The following UNC5B variants were observed in gnomAD, a reference collection of about 807,000 sequenced individuals.
UNC5B encodes the protein unc-5 netrin receptor B, also known as netrin receptor UNC5B.
In UNC5B, 56 loss-of-function variants were observed where a neutral mutation model predicts 103.7. The observed-to-expected ratio is 0.54, with a 90% CI of 0.44 to 0.67. The LOEUF (loss-of-function observed/expected upper bound fraction) is 0.67, where lower values mean the gene tolerates loss of function less well. Among genes scored for constraint, UNC5B ranks in the 30% least tolerant of loss-of-function variants. The pLI is 0.00. For synonymous variants in UNC5B, 577 were observed against 542.0 expected (o/e 1.06, Z -0.90); for missense variants, 1,194 against 1,284.5 (o/e 0.93, Z 1.08).
At chr10:71,289,740 C>T (rs1270779689) in intron 8 of UNC5B, among the ~76,000 whole-genome samples, 1 of 152,136 alleles carries the variant, frequency 6.6e-6, no homozygotes, top group African/African-American at 2.4e-5. Flanking sequence ...CTGGGGGAAC[C>T]ATTTCTCTGC....
At chr10:71,287,075 C>A (rs948195077) in intron 5 of UNC5B, among the ~76,000 whole-genome samples, 1 of 152,220 alleles carries the variant, frequency 6.6e-6, no homozygotes, top group African/African-American at 2.4e-5. Flanking sequence ...TCTCAAGATG[C>A]CTTGCCTAAC....
intron 1 of UNC5B, among the ~76,000 whole-genome samples, chr10:71,239,516 A>G (rs1843847250): frequency 6.6e-6 from 1 of 152,150 alleles, no homozygotes; most frequent in South Asian, 2.1e-4. Context: ...CTGTTTCCCC[A>G]TCACTAATAG....
intron 1 of UNC5B, among the ~76,000 whole-genome samples, chr10:71,236,374 A>G (rs943009569): frequency 6.6e-6 from 1 of 150,858 alleles, no homozygotes; most frequent in African/African-American, 2.5e-5. Flanking sequence ...CACCTAAAAC[A>G]TGTGGGGGAA....
chr10:71,288,461 G>A (rs1845151059), intron 6 of UNC5B, 107 bp from the exon 7 acceptor site: 2 of 1,464,346 alleles, frequency 1.4e-6, no homozygotes, highest in Admixed American at 4.5e-5. Flanking sequence ...TTCCTTCCAT[G>A]GTGTGTATGC....
chr10:71,257,611 C>G (rs757178145), intron 1 of UNC5B, among the ~76,000 whole-genome samples: 2 of 152,264 alleles, frequency 1.3e-5, no homozygotes, highest in African/African-American at 2.4e-5. Context: ...GTGAGCTGCA[C>G]CAGCCTGGAC....
intron 1 of UNC5B, among the ~76,000 whole-genome samples, chr10:71,245,037 C>G (rs1843994446): frequency 6.6e-6 from 1 of 152,240 alleles, no homozygotes; most frequent in Non-Finnish European, 1.5e-5. Context: ...TTTTCAAAAC[C>G]TCGTTCCCAC....
intron 1 of UNC5B, among the ~76,000 whole-genome samples, chr10:71,233,667 C>T (rs1420084025): frequency 6.6e-6 from 1 of 152,260 alleles, no homozygotes; most frequent in Non-Finnish European, 1.5e-5. Context: ...AGGACCAACC[C>T]CTACAGATGG....
intron 13 of UNC5B, among the ~76,000 whole-genome samples, 174 bp from the exon 14 acceptor site, chr10:71,295,637 G>A (rs1564515168): frequency 1.3e-5 from 2 of 152,156 alleles, no homozygotes; most frequent in Non-Finnish European, 2.9e-5. Flanking sequence ...CCCACTGTCT[G>A]TCTATCCATC....
At position 71,214,341 on chromosome 10, in the gene UNC5B, CT is replaced by C. The variant is rs769157975; in HGVS notation, c.79+1291del. Among the ~76,000 whole-genome samples, 972 of 145,666 alleles carry C rather than the reference CT, an allele frequency of 6.7e-3. 4 individuals carry two copies. The highest frequency in any genetic ancestry group is 0.034 in the Middle Eastern group (9 of 266). On this transcript the variant is annotated intron_variant, in intron 1 of 16. Transcript: ENST00000335350. The stretch of plus-strand genomic sequence containing the variant: ...GGGCTTGGCTTTAGCACATTCCCCA[CT>C]TTTTTTTTTTTTTCTGGTGCAAGTC...
intron 4 of UNC5B, among the ~76,000 whole-genome samples, chr10:71,286,235 C>T (rs1252262731): frequency 1.3e-5 from 2 of 152,332 alleles, no homozygotes; most frequent in East Asian, 3.9e-4. Flanking sequence ...GGTTTGGACC[C>T]AGGTCTGCCA....
chr10:71,277,872 G>T (rs982563726), intron 1 of UNC5B, among the ~76,000 whole-genome samples: 26 of 152,298 alleles, frequency 1.7e-4, no homozygotes, highest in African/African-American at 6.3e-4. Context: ...AGCCTTGCAG[G>T]TCCCTTGATG....
At chr10:71,258,865 G>A (rs1209221004) in intron 1 of UNC5B, among the ~76,000 whole-genome samples, 4 of 152,242 alleles carry the variant, frequency 2.6e-5, no homozygotes, top group African/African-American at 9.6e-5. Flanking sequence ...CTGAAGAACT[G>A]AGCATCCCAA....
intron 1 of UNC5B, among the ~76,000 whole-genome samples, chr10:71,251,464 T>A (rs1229623121): frequency 6.6e-6 from 1 of 152,214 alleles, no homozygotes; most frequent in African/African-American, 2.4e-5. Context: ...GACTTCAGAC[T>A]TGCAGGCCCC....
chr10:71,282,396 G>T (rs934794081), intron 2 of UNC5B, among the ~76,000 whole-genome samples: 2 of 152,174 alleles, frequency 1.3e-5, no homozygotes, highest in African/African-American at 4.8e-5. Flanking sequence ...GAGACCGAAG[G>T]TCCCTGTCCT....
chr10:71,279,986 A>G lies in UNC5B; in HGVS notation c.245A>G (p.Asn82Ser), dbSNP rs750523274. ...GCCACACAGATCTACTTCAAGTGCAACGGCGAGTGGGTCAGCCAGAACGAC... is the reference window on the plus strand; with the variant it reads ...GCCACACAGATCTACTTCAAGTGCAGCGGCGAGTGGGTCAGCCAGAACGAC... ...FPATQIYFKC[N>S]GEWVSQNDHV... The change falls in exon 2 of 17, where the codon AAC becomes AGC. Residue 82 changes from asparagine (N) to serine (S), a missense_variant. Physicochemically the swap from Asn to Ser is conservative, Grantham distance 46. Transcript: ENST00000335350. 1.9e-6 allele frequency: 3 copies of G among 1,613,976 alleles called. No homozygotes were observed. Among genetic ancestry groups the G allele is most frequent in the Non-Finnish European group, 8.5e-7 (1 of 1,180,032 alleles).
rs1263732753 is a variant in UNC5B at position 71,297,996 on chromosome 10, C to T, written c.2578C>T (p.Leu860=). Reference sequence around the variant, plus strand: ...GGGACCTTATGCCTTCAAGATCCCACTGTCCATCCGCCAGAAGATATGCAA... The same window carrying T: ...GGGACCTTATGCCTTCAAGATCCCATTGTCCATCCGCCAGAAGATATGCAA... ...QLGPYAFKIP[L]SIRQKICNSL... is the part of the protein sequence containing the mutation. The change falls in exon 16 of 17, where the codon CTG becomes TTG. Residue 860 remains leucine (L), a synonymous_variant. Coordinates refer to ENST00000335350, the MANE Select transcript of UNC5B (RefSeq NM_170744.5). The T allele has an allele frequency of 3.7e-6, 6 of 1,614,042 alleles. No homozygotes were observed. Among genetic ancestry groups the T allele is most frequent in the Non-Finnish European group, 5.1e-6 (6 of 1,180,020 alleles).
chr10:71,214,185 C>T (rs1843288416), intron 1 of UNC5B, among the ~76,000 whole-genome samples: 1 of 152,138 alleles, frequency 6.6e-6, no homozygotes, highest in Non-Finnish European at 1.5e-5. Flanking sequence ...AAAACTGGAG[C>T]AGAAAGTGGA....
chr10:71,215,128 G>A (rs182614390), intron 1 of UNC5B, among the ~76,000 whole-genome samples: 4 of 152,200 alleles, frequency 2.6e-5, no homozygotes, highest in Non-Finnish European at 5.9e-5. Flanking sequence ...AATGCCACAG[G>A]CACAGAGCAT....
chr10:71,255,379 G>A (rs1050617425), intron 1 of UNC5B, among the ~76,000 whole-genome samples: 6 of 152,170 alleles, frequency 3.9e-5, no homozygotes, highest in Admixed American at 6.5e-5. Context: ...GTCATTCTCC[G>A]AAGTCCCAGC....
Sources: allele counts gnomAD v4.1 joint callset (sites outside exome capture counted in the v4.1 genomes callset), GRCh38; gene constraint gnomAD v4.1.1; transcripts MANE v1.5; gene names NCBI Gene and HGNC (gene_info 2026-07-23, HGNC 2026-07-21).